FRK: variants seen among roughly 807,000 people sequenced by gnomAD.
FRK encodes fyn related Src family tyrosine kinase.
FRK carries 51 observed loss-of-function variants against 56.4 expected under a neutral mutation model. That is an observed-to-expected ratio of 0.90 (90% CI 0.72 to 1.14). FRK has a LOEUF of 1.14. FRK is among the 50% of genes most tolerant of loss of function. The probability of loss-of-function intolerance (pLI) is 0.00; values close to 1 mark genes in which losing one functional copy is unlikely to be tolerated. For synonymous variants in FRK, 245 were observed against 217.9 expected, an observed-to-expected ratio of 1.12 and a Z score of -1.10; for missense variants, 570 against 601.4, an observed-to-expected ratio of 0.95 and a Z score of 0.55.
At chr6:116,020,767 C>T (rs1293583764) in intron 1 of FRK, among the ~76,000 whole-genome samples, 1 of 152,158 alleles carries the variant, frequency 6.6e-6, no homozygotes, top group East Asian at 1.9e-4. Flanking sequence ...CTTGAGTTTC[C>T]ATACATGTGC....
intron 1 of FRK, among the ~76,000 whole-genome samples, chr6:116,058,999 G>A (rs1269417912): frequency 6.6e-6 from 1 of 151,812 alleles, no homozygotes; most frequent in Non-Finnish European, 1.5e-5. Flanking sequence ...ATGAGATCAG[G>A]GCCAATGACA....
chr6:116,070,856 T>A, the FRK span, among the ~76,000 whole-genome samples: 1 of 152,138 alleles, frequency 6.6e-6, no homozygotes, highest in Non-Finnish European at 1.5e-5. Context: ...CTTCAAGAAT[T>A]TCTTGTCCTG....
chr6:116,098,114 T>TC, the FRK span, among the ~76,000 whole-genome samples: 1 of 125,606 alleles, frequency 8.0e-6, no homozygotes, highest in Admixed American at 8.2e-5. Context: ...TTTTTTTTTT[T>TC]TTTTTTTTTT....
chr6:116,054,501 TTATAA>T (rs904440868), intron 1 of FRK, among the ~76,000 whole-genome samples: 1 of 139,626 alleles, frequency 7.2e-6, no homozygotes, highest in Non-Finnish European at 1.5e-5. Context: ...TATTATACTA[TTATAA>T]TATTATACTA....
At chr6:116,018,419 G>A (rs1263915749) in intron 1 of FRK, among the ~76,000 whole-genome samples, 1 of 152,158 alleles carries the variant, frequency 6.6e-6, no homozygotes, top group Non-Finnish European at 1.5e-5. Context: ...GGTAGCAACA[G>A]AATTATGCAT....
intron 1 of FRK, among the ~76,000 whole-genome samples, chr6:116,044,682 G>A (rs1776867197): frequency 6.6e-6 from 1 of 152,172 alleles, no homozygotes; most frequent in African/African-American, 2.4e-5. Flanking sequence ...ACAAGACAAG[G>A]ATGATCTCTC....
At chr6:116,096,269 C>G in the FRK span, among the ~76,000 whole-genome samples, 2 of 152,196 alleles carry the variant, frequency 1.3e-5, no homozygotes, top group African/African-American at 2.4e-5. Flanking sequence ...ATGGTCATCG[C>G]CCAATTCCCA....
intron 1 of FRK, among the ~76,000 whole-genome samples, chr6:116,022,911 G>A (rs1260913812): frequency 6.6e-6 from 1 of 152,120 alleles, no homozygotes; most frequent in Admixed American, 6.6e-5. Context: ...AGAAACTGAA[G>A]AGTAACCCAT....
intron 1 of FRK, among the ~76,000 whole-genome samples, chr6:116,022,648 A>G (rs986095623): frequency 2.0e-5 from 3 of 152,138 alleles, no homozygotes; most frequent in Non-Finnish European, 4.4e-5. Flanking sequence ...TTGAAATAGA[A>G]GAAAACTTTC....
At chr6:116,005,762 T>C (rs1775223960) in intron 1 of FRK, among the ~76,000 whole-genome samples, 2 of 152,166 alleles carry the variant, frequency 1.3e-5, no homozygotes, top group Admixed American at 1.3e-4. Context: ...TACTTGAACA[T>C]AGTAAAAAAC....
chr6:116,045,984 A>G (rs902632951), intron 1 of FRK, among the ~76,000 whole-genome samples: 1 of 152,214 alleles, frequency 6.6e-6, no homozygotes. Flanking sequence ...TGGGTAAAGG[A>G]TATGAACAGA....
At chr6:115,991,983 T>G (rs1774628112) in intron 2 of FRK, among the ~76,000 whole-genome samples, 1 of 151,638 alleles carries the variant, frequency 6.6e-6, no homozygotes, top group African/African-American at 2.4e-5. Context: ...GGAATTTTAT[T>G]TCCCAAAAAT....
intron 1 of FRK, among the ~76,000 whole-genome samples, chr6:116,049,785 A>G (rs1388389803): frequency 6.6e-6 from 1 of 152,218 alleles, no homozygotes; most frequent in Non-Finnish European, 1.5e-5. Flanking sequence ...CTCTCAGTAA[A>G]TGTCAGTTAT....
At chr6:116,100,628 C>A in the FRK span, among the ~76,000 whole-genome samples, 1 of 152,210 alleles carries the variant, frequency 6.6e-6, no homozygotes, top group Admixed American at 6.5e-5. Flanking sequence ...CCCCTACTGC[C>A]TTCTGGGCTC....
chr6:115,975,505 T>C (rs1190300303), intron 2 of FRK, among the ~76,000 whole-genome samples: 2 of 152,148 alleles, frequency 1.3e-5, no homozygotes, highest in African/African-American at 4.8e-5. Context: ...TTGTCGTTCT[T>C]AATGAAGGTT....
Position 115,967,623 on chromosome 6 carries a change from C to G in FRK, c.727G>C (p.Gly243Arg). The G allele has an allele frequency of 6.2e-7, 1 of 1,613,702 alleles. No individual in the cohort carries two copies. Among genetic ancestry groups the G allele is most frequent in the Non-Finnish European group, 8.5e-7 (1 of 1,179,806 alleles). ...CCTTCCCATACTTCGCCAAACTGAC[C>G]AGATCCCAATCGCTTCAGAAGCTGT... ...SIQLLKRLGS[G>R]QFGEVWEGLW... Residue 243 changes from glycine (G) to arginine (R), a missense_variant, in exon 4 of 8, where the codon GGT becomes CGT. Gly to Arg is a moderately radical substitution (Grantham distance 125). Coordinates refer to ENST00000606080, the MANE Select transcript of FRK (RefSeq NM_002031.3).
At chr6:115,995,334 A>C (rs983313312) in intron 2 of FRK, among the ~76,000 whole-genome samples, 1 of 152,150 alleles carries the variant, frequency 6.6e-6, no homozygotes, top group Non-Finnish European at 1.5e-5. Context: ...TAAAATGAAA[A>C]AATCAAGGGG....
the FRK span, among the ~76,000 whole-genome samples, chr6:116,085,702 G>A: frequency 3.9e-5 from 6 of 151,930 alleles, no homozygotes; most frequent in African/African-American, 1.2e-4. Flanking sequence ...TGCACAGGCC[G>A]TGTGTGTGTG....
the FRK span, among the ~76,000 whole-genome samples, chr6:116,080,632 T>C: frequency 1.9e-3 from 287 of 152,298 alleles, 3 homozygotes; most frequent in African/African-American, 6.5e-3. Flanking sequence ...TTAATATTTA[T>C]ACCATATGAA....
Sources: allele counts gnomAD v4.1 joint callset (sites outside exome capture counted in the v4.1 genomes callset), GRCh38; gene constraint gnomAD v4.1.1; transcripts MANE v1.5; gene names NCBI Gene and HGNC (gene_info 2026-07-23, HGNC 2026-07-21).